The following EHBP1 variants were observed in gnomAD, a reference collection of about 807,000 sequenced individuals.
EHBP1 encodes EH domain binding protein 1.
Under a neutral mutation model 144.0 loss-of-function variants are expected in EHBP1, and 55 were observed. That is an observed-to-expected ratio of 0.38 (90% CI 0.31 to 0.48). The LOEUF is 0.48. Ranked by LOEUF, EHBP1 falls within the 20% of genes least tolerant of loss-of-function variation. The pLI, the probability that EHBP1 is intolerant of heterozygous loss-of-function variation, is 0.98. For synonymous variants in EHBP1, 469 were observed against 472.7 expected (o/e 0.99, Z 0.10); for missense variants, 1,200 against 1,364.2 (o/e 0.88, Z 1.90).
At chr2:62,922,795 C>T (rs2055187375) in intron 10 of EHBP1, among the ~76,000 whole-genome samples, 1 of 152,188 alleles carries the variant, frequency 6.6e-6, no homozygotes, top group African/African-American at 2.4e-5. Flanking sequence ...GCAGTCCTGT[C>T]TCCCTTCCAT....
At chr2:62,820,710 GGTGTGTGTGT>G (rs374529607) in intron 5 of EHBP1, among the ~76,000 whole-genome samples, 3 of 88,710 alleles carry the variant, frequency 3.4e-5, no homozygotes, top group East Asian at 5.9e-4. Context: ...TATTCCATTG[GGTGTGTGTGT>G]GTGTGTGTGT....
chr2:62,676,664 GACCAAGCC>G (rs1391697042), intron 1 of EHBP1, among the ~76,000 whole-genome samples: 1 of 152,102 alleles, frequency 6.6e-6, no homozygotes, highest in Non-Finnish European at 1.5e-5. Context: ...AGCCACAAAA[GACCAAGCC>G]ATTGTTTTGC....
rs577009304 is a variant in EHBP1, at chr2:62,781,625, G to A, written c.312+10233G>A. The stretch of plus-strand genomic sequence containing the variant: ...ATTTGTAGGGTGATTCAGGTGGCTG[G>A]AGCAGCTTGAGCAGAGGTCTGGAGG... On this transcript the variant is annotated intron_variant, in intron 5 of 22. Transcript: ENST00000431489. 6.2e-4 allele frequency among the ~76,000 whole-genome samples: 95 copies of A among 152,282 alleles called. 2 individuals are homozygous for A. In the South Asian group the frequency reaches 0.019, roughly 31 times the overall value.
At chr2:62,763,222 C>G (rs2040900559) in intron 3 of EHBP1, among the ~76,000 whole-genome samples, 1 of 151,998 alleles carries the variant, frequency 6.6e-6, no homozygotes, top group Non-Finnish European at 1.5e-5. Flanking sequence ...TTCTTCCCTA[C>G]TTTTTTTTCA....
At chr2:62,770,492 TAA>T (rs2041580436) in intron 4 of EHBP1, among the ~76,000 whole-genome samples, 2 of 152,166 alleles carry the variant, frequency 1.3e-5, no homozygotes, top group South Asian at 4.1e-4. Flanking sequence ...TGGCTATTAT[TAA>T]AAAGTCAAAA....
intron 7 of EHBP1, among the ~76,000 whole-genome samples, chr2:62,834,187 G>T (rs968052122): frequency 6.6e-6 from 1 of 152,234 alleles, no homozygotes; most frequent in African/African-American, 2.4e-5. Context: ...TTGTTGAAAT[G>T]ACAACAAAGG....
intron 5 of EHBP1, among the ~76,000 whole-genome samples, chr2:62,820,729 G>A: frequency 8.3e-6 from 1 of 119,908 alleles, no homozygotes; most frequent in Non-Finnish European, 1.7e-5. Flanking sequence ...GTGTGTGTGT[G>A]TGTGTATAAT....
At chr2:62,735,801 A>T (rs966784200) in intron 2 of EHBP1, among the ~76,000 whole-genome samples, 8 of 152,098 alleles carry the variant, frequency 5.3e-5, no homozygotes, top group African/African-American at 1.9e-4. Flanking sequence ...ACAGAATTCT[A>T]GGTTGGTGGG....
rs184616481 is a variant in EHBP1 at position 62,889,097 on chromosome 2, T to A, written c.1185+14565T>A. Among the ~76,000 whole-genome samples the A allele has an allele frequency of 2.5e-4, 33 of 133,186 alleles. No homozygotes were observed. In the East Asian group the frequency reaches 7.0e-3, roughly 28 times the overall value. 87.4% of individuals were successfully genotyped at this position (133,186 alleles called of 152,430 possible). A position where few individuals can be genotyped will look rare whatever the true frequency, so the allele number is the denominator to read the frequency against. ...TTTTTTTTTTGAGGCAGAGTCTCAC[T>A]CTGTTGCCCAAGCTGGAGTGCAGTG... On this transcript the variant is annotated intron_variant, in intron 10 of 22. Coordinates refer to ENST00000431489, the MANE Select transcript of EHBP1 (RefSeq NM_001142616.3).
intron 14 of EHBP1, among the ~76,000 whole-genome samples, chr2:62,968,590 C>G (rs2058350906): frequency 6.6e-6 from 1 of 152,084 alleles, no homozygotes; most frequent in African/African-American, 2.4e-5. Context: ...CTGAATGGAA[C>G]TGCAGGACAG....
intron 10 of EHBP1, among the ~76,000 whole-genome samples, chr2:62,926,974 G>T (rs2055566923): frequency 6.6e-6 from 1 of 152,080 alleles, no homozygotes; most frequent in South Asian, 2.1e-4. Flanking sequence ...TAAAGAAAAT[G>T]TGGTGTATAT....
chr2:62,768,159 G>A (rs952141377), intron 4 of EHBP1, among the ~76,000 whole-genome samples: 6 of 152,152 alleles, frequency 3.9e-5, no homozygotes, highest in African/African-American at 1.4e-4. Flanking sequence ...CAGAAGACAA[G>A]CAGTAACGAA....
At chr2:62,715,743 A>T (rs897613316) in intron 2 of EHBP1, among the ~76,000 whole-genome samples, 2 of 152,088 alleles carry the variant, frequency 1.3e-5, no homozygotes, top group Non-Finnish European at 2.9e-5. Flanking sequence ...CAACTGGGGG[A>T]TGATGGGTAA....
intron 10 of EHBP1, among the ~76,000 whole-genome samples, chr2:62,879,495 A>C (rs564311779): frequency 6.6e-6 from 1 of 151,648 alleles, no homozygotes; most frequent in South Asian, 2.1e-4. Flanking sequence ...CTACAAGTCT[A>C]TATAACATTC....
chr2:62,755,977 A>C (rs1044447522), intron 3 of EHBP1, among the ~76,000 whole-genome samples: 4 of 152,144 alleles, frequency 2.6e-5, no homozygotes, highest in African/African-American at 9.7e-5. Context: ...ATTATAGGTC[A>C]ATTAAGAATA....
chr2:62,843,156 C>G (rs532831911), intron 7 of EHBP1, among the ~76,000 whole-genome samples: 3 of 152,256 alleles, frequency 2.0e-5, no homozygotes, highest in African/African-American at 7.2e-5. Context: ...ATGAAATTCC[C>G]TGAAAATAGA....
chr2:62,892,644 A>T (rs2052558216), intron 10 of EHBP1, among the ~76,000 whole-genome samples: 1 of 152,122 alleles, frequency 6.6e-6, no homozygotes, highest in Non-Finnish European at 1.5e-5. Flanking sequence ...ACTTTACCTT[A>T]TACAGCAGAT....
intron 5 of EHBP1, among the ~76,000 whole-genome samples, chr2:62,772,613 C>G (rs1010660764): frequency 2.0e-5 from 3 of 152,214 alleles, no homozygotes; most frequent in Non-Finnish European, 4.4e-5. Flanking sequence ...CTTCTACTTA[C>G]AAGCTCTGTG....
chr2:62,676,219 G>A (rs978211669), intron 1 of EHBP1, among the ~76,000 whole-genome samples: 5 of 152,204 alleles, frequency 3.3e-5, no homozygotes, highest in South Asian at 2.1e-4. Flanking sequence ...GCATTACACC[G>A]TAGTTAATCA....
Sources: allele counts gnomAD v4.1 joint callset (sites outside exome capture counted in the v4.1 genomes callset), GRCh38; gene constraint gnomAD v4.1.1; transcripts MANE v1.5; gene names NCBI Gene and HGNC (gene_info 2026-07-23, HGNC 2026-07-21).